IPMK: variants seen among roughly 807,000 people sequenced by gnomAD.
IPMK encodes the protein inositol 1,3,4,6-tetrakisphosphate 5-kinase.
A neutral mutation model predicts 45.8 loss-of-function variants in IPMK; 17 were observed. The ratio of observed to expected loss-of-function variants is 0.37; its 90% CI spans 0.25 to 0.56. IPMK has a LOEUF of 0.56. Among genes scored for constraint, IPMK ranks in the 20% least tolerant of loss-of-function variants. The probability of loss-of-function intolerance (pLI) is 0.79; values close to 1 mark genes in which losing one functional copy is unlikely to be tolerated. For synonymous variants in IPMK, 180 were observed against 184.3 expected, an observed-to-expected ratio of 0.98 and a Z score of 0.19; for missense variants, 399 against 498.0, an observed-to-expected ratio of 0.80 and a Z score of 1.89.
chr10:58,196,368 C>T lies in IPMK; in HGVS notation c.959G>A (p.Arg320His), dbSNP rs535168447. Residue 320 changes from arginine (R) to histidine (H), a missense_variant, in exon 6 of 6, where the codon CGT becomes CAT. This residue lies in a region of IPMK where 288 missense variants were observed against 398.0 expected (regional missense o/e 0.72). Transcript: ENST00000373935. ...VGKSLSKMYA[R>H]HRKIYTKKHH... Reference sequence around the variant, plus strand: ...CTTTTTTGTATATATTTTCCTGTGACGCGCATACATCTTGGACAAGCTTTT... The same window carrying T: ...CTTTTTTGTATATATTTTCCTGTGATGCGCATACATCTTGGACAAGCTTTT... 48 of 1,614,100 alleles carry T rather than the reference C, an allele frequency of 3.0e-5. No individual in the cohort carries two copies. Among genetic ancestry groups the T allele is most frequent in the Admixed American group, 1.8e-4 (11 of 60,018 alleles).
chr10:58,220,043 C>A (rs1838307988), intron 3 of IPMK, among the ~76,000 whole-genome samples: 1 of 152,176 alleles, frequency 6.6e-6, no homozygotes, highest in Admixed American at 6.5e-5. Flanking sequence ...GAATCCAGCC[C>A]ATGGCCCACA....
At chr10:58,203,982 A>G (rs1838034371) in intron 4 of IPMK, among the ~76,000 whole-genome samples, 2 of 152,240 alleles carry the variant, frequency 1.3e-5, no homozygotes, top group Admixed American at 6.5e-5. Flanking sequence ...TAGCAAAAGG[A>G]AACAACTCAC....
rs533478427 is a variant in IPMK at position 58,198,819 on chromosome 10, C to T, written c.628+421G>A. ...TCTAGAAACTTACATAGCTCAACTA[C>T]ACATGGGAAAATTCAATAAAAATAC... On this transcript the variant is annotated intron_variant, in intron 5 of 5. Transcript: ENST00000373935. Among the ~76,000 whole-genome samples, 195 of 152,204 alleles carry T rather than the reference C, an allele frequency of 1.3e-3. 1 individual carries two copies. Among genetic ancestry groups the T allele is most frequent in the African/African-American group, 4.5e-3 (186 of 41,544 alleles).
intron 4 of IPMK, among the ~76,000 whole-genome samples, chr10:58,202,883 T>G (rs1454824202): frequency 6.6e-6 from 1 of 152,234 alleles, no homozygotes; most frequent in African/African-American, 2.4e-5. Flanking sequence ...ATTGTTTTCA[T>G]GCCTGCTAAT....
chr10:58,218,540 C>T (rs961743668), intron 3 of IPMK, among the ~76,000 whole-genome samples: 2 of 152,154 alleles, frequency 1.3e-5, no homozygotes, highest in Non-Finnish European at 1.5e-5. Flanking sequence ...GATAGTAATA[C>T]ATAGTACAGT....
At chr10:58,219,104 A>T (rs948146308) in intron 3 of IPMK, among the ~76,000 whole-genome samples, 5 of 152,216 alleles carry the variant, frequency 3.3e-5, no homozygotes, top group African/African-American at 1.2e-4. Flanking sequence ...TTACCAAATA[A>T]CTGCTAAATT....
At chr10:58,232,776 G>A (rs916410461) in intron 2 of IPMK, among the ~76,000 whole-genome samples, 6 of 152,084 alleles carry the variant, frequency 3.9e-5, no homozygotes, top group Admixed American at 3.9e-4. Context: ...AAGAACTAGA[G>A]AAGCAAGAGC....
chr10:58,230,860 C>T (rs1356893853), intron 2 of IPMK, among the ~76,000 whole-genome samples: 5 of 152,086 alleles, frequency 3.3e-5, no homozygotes, highest in Non-Finnish European at 5.9e-5. Flanking sequence ...TTCACAAGGT[C>T]GGTAATAACA....
intron 2 of IPMK, among the ~76,000 whole-genome samples, chr10:58,235,168 C>T (rs553652868): frequency 2.0e-5 from 3 of 152,298 alleles, no homozygotes; most frequent in South Asian, 4.2e-4. Flanking sequence ...CAGGAAACAA[C>T]AGATGCTGGA....
In IPMK at chr10:58,267,465, G is replaced by C. The variant is rs986046448; in HGVS notation, c.147C>G (p.Leu49=). 5.6e-6 allele frequency: 9 copies of C among 1,613,662 alleles called. No individual in the cohort carries two copies. Among genetic ancestry groups the C allele is most frequent in the African/African-American group, 1.3e-5 (1 of 74,940 alleles). ...RLRFLNGCVP[L]SHQVAGHMYG... The stretch of plus-strand genomic sequence containing the variant: ...ACATGTGCCCGGCCACCTGATGCGA[G>C]AGGGGCACGCAGCCGTTGAGGAAGC... Residue 49 remains leucine (L), a synonymous_variant, in exon 1 of 6, where the codon CTC becomes CTG. Transcript: ENST00000373935.
At chr10:58,198,590 A>G (rs1448294671) in intron 5 of IPMK, among the ~76,000 whole-genome samples, 1 of 152,218 alleles carries the variant, frequency 6.6e-6, no homozygotes, top group Non-Finnish European at 1.5e-5. Context: ...GAATTCTTCT[A>G]CAAACTTTTT....
intron 3 of IPMK, among the ~76,000 whole-genome samples, chr10:58,222,826 T>A (rs1290209866): frequency 6.6e-6 from 1 of 152,216 alleles, no homozygotes; most frequent in African/African-American, 2.4e-5. Context: ...ATTGTTTTCA[T>A]GCCCAAAATA....
At chr10:58,240,284 TAAAC>T (rs1161833244) in intron 1 of IPMK, among the ~76,000 whole-genome samples, 5 of 151,020 alleles carry the variant, frequency 3.3e-5, no homozygotes, top group East Asian at 1.9e-4. Flanking sequence ...AATCAACAGA[TAAAC>T]AATCACAGAG....
At chr10:58,262,699 T>C (rs1839090681) in intron 1 of IPMK, among the ~76,000 whole-genome samples, 1 of 152,222 alleles carries the variant, frequency 6.6e-6, no homozygotes, top group Non-Finnish European at 1.5e-5. Flanking sequence ...GTGCTCTCAA[T>C]GGTCAAATTT....
chr10:58,248,454 G>C (rs766578418), intron 1 of IPMK, among the ~76,000 whole-genome samples: 1 of 152,050 alleles, frequency 6.6e-6, no homozygotes, highest in East Asian at 1.9e-4. Context: ...TTATGTGTGT[G>C]CACATATATT....
rs560003874 is a variant in IPMK at position 58,246,818 on chromosome 10, A to C, written c.191-9004T>G. 4.6e-5 allele frequency among the ~76,000 whole-genome samples: 7 copies of C among 152,148 alleles called. No individual in the cohort carries two copies. In the South Asian group the frequency reaches 1.0e-3, roughly 23 times the overall value. Reference sequence around the variant, plus strand: ...AATTGACAAATGGGATCTAATTAAAATAAAGAGCTTCTGCACAGCAAAAGA... The same window carrying C: ...AATTGACAAATGGGATCTAATTAAACTAAAGAGCTTCTGCACAGCAAAAGA... On this transcript the variant is annotated intron_variant, in intron 1 of 5. Coordinates refer to ENST00000373935, the MANE Select transcript of IPMK (RefSeq NM_152230.5).
At chr10:58,258,053 G>A (rs1168242917) in intron 1 of IPMK, among the ~76,000 whole-genome samples, 2 of 152,164 alleles carry the variant, frequency 1.3e-5, no homozygotes, top group African/African-American at 4.8e-5. Flanking sequence ...GCTCACACCT[G>A]TAATCCCAGG....
chr10:58,203,896 A>G (rs1838033285), intron 4 of IPMK, among the ~76,000 whole-genome samples: 1 of 152,208 alleles, frequency 6.6e-6, no homozygotes. Flanking sequence ...TCTTATTTTA[A>G]GAAATTGCTG....
At chr10:58,261,045 C>A (rs1839057886) in intron 1 of IPMK, among the ~76,000 whole-genome samples, 1 of 146,574 alleles carries the variant, frequency 6.8e-6, no homozygotes, top group Non-Finnish European at 1.5e-5. Context: ...ATAAACAAGC[C>A]AATGAAAATA....
Sources: gnomAD v4.1 joint callset for allele counts (sites outside exome capture counted in the v4.1 genomes callset) on GRCh38, gnomAD v4.1.1 for gene constraint, gnomAD v4.1.1 regional missense constraint, MANE v1.5 for transcripts, NCBI Gene and HGNC (gene_info 2026-07-23, HGNC 2026-07-21) for gene names.